CHML: variants seen among roughly 807,000 people sequenced by gnomAD.
CHML encodes the protein CHM like Rab escort protein, also known as rab proteins geranylgeranyltransferase component A 2.
In CHML, 20 loss-of-function variants were observed where a neutral mutation model predicts 30.4. The ratio of observed to expected loss-of-function variants is 0.66; its 90% CI spans 0.46 to 0.95. CHML has a LOEUF of 0.95. CHML is among the 40% of genes least tolerant of loss of function. CHML has a pLI of 0.00. For synonymous variants in CHML, 281 were observed against 275.0 expected (o/e 1.02, Z -0.22); for missense variants, 795 against 768.5 (o/e 1.03, Z -0.41).
In CHML at chr1:241,631,523, A is replaced by G. The variant is rs929310228; in HGVS notation, c.*2273T>C. Reference sequence around the variant, plus strand: ...ACTTTTACTATATTTTTAAAAGTCAATACAATCCATGACTTTGCTACTTTA... The same window carrying G: ...ACTTTTACTATATTTTTAAAAGTCAGTACAATCCATGACTTTGCTACTTTA... On this transcript the variant is annotated 3_prime_UTR_variant, in exon 2 of 2. Transcript: ENST00000366553. 3.3e-5 allele frequency: 5 copies of G among 152,134 alleles called. No individual in the cohort carries two copies. The highest frequency in any genetic ancestry group is 2.0e-4 in the Admixed American group (3 of 15,266). The allele number at this position is 152,134 out of a possible 1,614,324, so 9.4% of individuals were successfully genotyped here.
At position 241,635,769 on chromosome 1, in the gene CHML, T is replaced by G; in HGVS notation, c.-3A>C. ...TCTGTGGGAAGATTGTCCGCCATTT[T>G]AGGAAGTAACAGCGTCTGGTGACAA... On this transcript the variant is annotated 5_prime_UTR_variant, in exon 2 of 2. Transcript: ENST00000366553. 1 of 1,606,172 alleles carries G rather than the reference T, an allele frequency of 6.2e-7. No homozygotes were observed.
In CHML at chr1:241,635,925, T is replaced by C; in HGVS notation, c.-159A>G. The stretch of plus-strand genomic sequence containing the variant: ...GGTTACCCTTTTAAAATATTTTTTT[T>C]CTTATAAGTCAGTAGCATAAAAACA... On this transcript the variant is annotated 5_prime_UTR_variant, in exon 2 of 2. Coordinates refer to ENST00000366553, the MANE Select transcript of CHML (RefSeq NM_001381853.1). The C allele has an allele frequency of 1.5e-6, 1 of 662,804 alleles. No homozygotes were observed. Among genetic ancestry groups the C allele is most frequent in the Non-Finnish European group, 2.5e-6 (1 of 392,898 alleles). The allele number at this position is 662,804 out of a possible 1,614,324, so 41.1% of individuals were successfully genotyped here. A position where few individuals can be genotyped will look rare whatever the true frequency, so the allele number is the denominator to read the frequency against.
chr1:241,639,884 A>T lies in CHML; in HGVS notation c.-310T>A. On this transcript the variant is annotated splice_region_variant and 5_prime_UTR_variant, in exon 1 of 2. Coordinates refer to ENST00000366553, the MANE Select transcript of CHML (RefSeq NM_001381853.1). Reference sequence around the variant, plus strand: ...TGCCTTCTCCCAGTCCAACTCACCGAAGAGGCTGCCGCTAAACCCGTCCCA... The same window carrying T: ...TGCCTTCTCCCAGTCCAACTCACCGTAGAGGCTGCCGCTAAACCCGTCCCA... The T allele has an allele frequency of 6.4e-7, 1 of 1,572,336 alleles. No individual in the cohort carries two copies. The highest frequency in any genetic ancestry group is 2.4e-5 in the East Asian group (1 of 41,812).
chr1:241,636,352 T>C (rs1664897475), intron 1 of CHML, among the ~76,000 whole-genome samples: 1 of 152,258 alleles, frequency 6.6e-6, no homozygotes. Context: ...TCTCTAACTT[T>C]AGCTTTTAAG....
chr1:241,629,681 G>C lies in CHML; in HGVS notation c.*4115C>G, dbSNP rs926012740. ...TTCCTTTATACCACTATTGGTGTGA[G>C]ACTTGTAGTATTTTTCTTTTTATAC... On this transcript the variant is annotated 3_prime_UTR_variant, in exon 2 of 2. Coordinates refer to ENST00000366553, the MANE Select transcript of CHML (RefSeq NM_001381853.1). 6.6e-6 allele frequency: 1 copy of C among 152,032 alleles called. No individual in the cohort carries two copies. Among genetic ancestry groups the C allele is most frequent in the Non-Finnish European group, 1.5e-5 (1 of 67,946 alleles). The allele number at this position is 152,032 out of a possible 1,614,324, so 9.4% of individuals were successfully genotyped here.
At chr1:241,639,581 A>G (rs148923282) in intron 1 of CHML, among the ~76,000 whole-genome samples, 3,361 of 151,934 alleles carry the variant, frequency 0.022, 55 homozygotes, top group South Asian at 0.038. Flanking sequence ...GTAAAAACAA[A>G]TAAGAAAGGA....
Position 241,634,507 on chromosome 1 carries a change from T to C in CHML, c.1260A>G (p.Ala420=). Reference sequence around the variant, plus strand: ...TTCTTTGACCAAAGTGATCTATAATTGCTTTACATCGTCCAGATTCTTTGT... The same window carrying C: ...TTCTTTGACCAAAGTGATCTATAATCGCTTTACATCGTCCAGATTCTTTGT... ...VVDKESGRCK[A]IIDHFGQRIN... The change falls in exon 2 of 2, where the codon GCA becomes GCG. Residue 420 remains alanine (A), a synonymous_variant. Coordinates refer to ENST00000366553, the MANE Select transcript of CHML (RefSeq NM_001381853.1). 2 of 1,613,972 alleles carry C rather than the reference T, an allele frequency of 1.2e-6. No individual in the cohort carries two copies. The highest frequency in any genetic ancestry group is 1.6e-4 in the Middle Eastern group (1 of 6,062).
In CHML at chr1:241,632,103, T is replaced by A. The variant is rs1664657581; in HGVS notation, c.*1693A>T. On this transcript the variant is annotated 3_prime_UTR_variant, in exon 2 of 2. Transcript: ENST00000366553. ...TGGGAGGAACCTGGTGGGAGATAAC[T>A]GAATCATGGAGTTGTTTCCCCCATA... is the stretch of plus-strand genomic sequence containing the variant. 6.6e-6 allele frequency: 1 copy of A among 152,168 alleles called. No individual in the cohort carries two copies. The allele number at this position is 152,168 out of a possible 1,614,324, so 9.4% of individuals were successfully genotyped here.
In CHML at chr1:241,635,951, T is replaced by C. The variant is rs757450913; in HGVS notation, c.-185A>G. ...CTTATAAGTCAGTAGCATAAAAACA[T>C]GAGCAAGTACATCTAATCACATCTG... On this transcript the variant is annotated 5_prime_UTR_variant, in exon 2 of 2. It removes an upstream start codon present in the reference 5' UTR. Coordinates refer to ENST00000366553, the MANE Select transcript of CHML (RefSeq NM_001381853.1). 19 of 589,482 alleles carry C rather than the reference T, an allele frequency of 3.2e-5. No homozygotes were observed. Among genetic ancestry groups the C allele is most frequent in the Non-Finnish European group, 5.4e-5 (18 of 332,348 alleles). 36.5% of individuals were successfully genotyped at this position (589,482 alleles called of 1,614,324 possible).
intron 1 of CHML, 120 bp downstream of exon 1, chr1:241,639,762 G>A (rs1181956401): frequency 7.6e-6 from 8 of 1,046,298 alleles, no homozygotes; most frequent in Middle Eastern, 3.3e-4. Context: ...TAGGGCGGGG[G>A]GCGCGGGGCC....
chr1:241,639,869 C>T lies in CHML; in HGVS notation c.-308+13G>A, dbSNP rs777604266. Reference sequence around the variant, plus strand: ...TTGCAGAGGGGAGGCTGCCTTCTCCCAGTCCAACTCACCGAAGAGGCTGCC... The same window carrying T: ...TTGCAGAGGGGAGGCTGCCTTCTCCTAGTCCAACTCACCGAAGAGGCTGCC... On this transcript the variant is annotated intron_variant, in intron 1 of 1. Coordinates refer to ENST00000366553, the MANE Select transcript of CHML (RefSeq NM_001381853.1). The T allele has an allele frequency of 1.3e-6, 2 of 1,537,830 alleles. No homozygotes were observed. The highest frequency in any genetic ancestry group is 5.0e-5 in the East Asian group (2 of 40,158).
chr1:241,635,739 CA>C lies in CHML; in HGVS notation c.27del (p.Phe9LeufsTer5). On this transcript the variant is annotated frameshift_variant, in exon 2 of 2. Transcript: ENST00000366553. LOFTEE classifies it high-confidence loss of function. Reference protein sequence around the residue: MADNLPTEFDVVIIGTGLP... With the variant: MADNLPTEXDVVIIGTGLP... The stretch of plus-strand genomic sequence containing the variant: ...AAACCTGTCCCTATTATAACCACAT[CA>C]AACTCTGTGGGAAGATTGTCCGCCA... The C allele has an allele frequency of 6.2e-7, 1 of 1,612,118 alleles. No individual in the cohort carries two copies. The highest frequency in any genetic ancestry group is 1.1e-5 in the South Asian group (1 of 90,870).
rs1664652479 is a variant in CHML, at chr1:241,631,964, T to C, written c.*1832A>G. On this transcript the variant is annotated 3_prime_UTR_variant, in exon 2 of 2. Coordinates refer to ENST00000366553, the MANE Select transcript of CHML (RefSeq NM_001381853.1). ...CATGTTGGCTCTTCCACATACCAGATTCTGAGCAAATTACTAATAATTCTC... is the reference window on the plus strand; with the variant it reads ...CATGTTGGCTCTTCCACATACCAGACTCTGAGCAAATTACTAATAATTCTC... 2.0e-5 allele frequency: 3 copies of C among 152,146 alleles called. No homozygotes were observed. 9.4% of individuals were successfully genotyped at this position (152,146 alleles called of 1,614,324 possible). A position where few individuals can be genotyped will look rare whatever the true frequency, so the allele number is the denominator to read the frequency against.
chr1:241,633,558 T>C lies in CHML; in HGVS notation c.*238A>G. 2 of 515,384 alleles carry C rather than the reference T, an allele frequency of 3.9e-6. No individual in the cohort carries two copies. Among genetic ancestry groups the C allele is most frequent in the East Asian group, 7.1e-5 (2 of 27,988 alleles). The allele number at this position is 515,384 out of a possible 1,614,324, so 31.9% of individuals were successfully genotyped here. A position where few individuals can be genotyped will look rare whatever the true frequency, so the allele number is the denominator to read the frequency against. On this transcript the variant is annotated 3_prime_UTR_variant, in exon 2 of 2. Coordinates refer to ENST00000366553, the MANE Select transcript of CHML (RefSeq NM_001381853.1). ...AATACTAAAATAAAGCTAACTCTGTTTTAAGATTCTGGGTCATATAGCCCA... is the reference window on the plus strand; with the variant it reads ...AATACTAAAATAAAGCTAACTCTGTCTTAAGATTCTGGGTCATATAGCCCA...
In CHML at chr1:241,629,327, T is replaced by C. The variant is rs1448402255; in HGVS notation, c.*4469A>G. On this transcript the variant is annotated 3_prime_UTR_variant, in exon 2 of 2. Coordinates refer to ENST00000366553, the MANE Select transcript of CHML (RefSeq NM_001381853.1). ...CACAGTTCTCTTAAAAGGCTACTAA[T>C]ACACAATGCTGCTGCTATAAGGACA... The C allele has an allele frequency of 6.6e-6, 1 of 152,154 alleles. No homozygotes were observed. The highest frequency in any genetic ancestry group is 6.5e-5 in the Admixed American group (1 of 15,284). 9.4% of individuals were successfully genotyped at this position (152,154 alleles called of 1,614,324 possible).
At chr1:241,636,405 G>C (rs2148030712) in intron 1 of CHML, among the ~76,000 whole-genome samples, 1 of 152,314 alleles carries the variant, frequency 6.6e-6, no homozygotes, top group East Asian at 1.9e-4. Flanking sequence ...TGTGAGCTTA[G>C]ACTAAAAGGA....
Position 241,633,944 on chromosome 1 carries a change from G to A in CHML, c.1823C>T (p.Pro608Leu). 4 of 1,613,900 alleles carry A rather than the reference G, an allele frequency of 2.5e-6. No individual in the cohort carries two copies. The highest frequency in any genetic ancestry group is 3.4e-6 in the Non-Finnish European group (4 of 1,179,848). The change falls in exon 2 of 2, where the codon CCT becomes CTT. Residue 608 changes from proline to leucine, a missense_variant. Transcript: ENST00000366553. ...AATGTCTTCTGGATTTGGAGGTGGA[G>A]GGCAGAATTCTTCAGTTGGAAAGAT... ...QEIFPTEEFC[P>L]PPPNPEDIIF...
chr1:241,637,994 G>C (rs1308338641), intron 1 of CHML, among the ~76,000 whole-genome samples: 2 of 152,092 alleles, frequency 1.3e-5, no homozygotes, highest in Non-Finnish European at 2.9e-5. Flanking sequence ...CCTTAACCTG[G>C]ATCTAGAAGC....
rs139068296 is a variant in CHML, at chr1:241,633,024, T to G, written c.*772A>C. On this transcript the variant is annotated 3_prime_UTR_variant, in exon 2 of 2. Coordinates refer to ENST00000366553, the MANE Select transcript of CHML (RefSeq NM_001381853.1). ...GTGCCAGGGCAGGGCTCTGCAGAAA[T>G]TTTCTGAAGTATTAAATAAGAATAA... The G allele has an allele frequency of 1.3e-5, 2 of 152,238 alleles. No individual in the cohort carries two copies. The highest frequency in any genetic ancestry group is 3.9e-4 in the East Asian group (2 of 5,172). 9.4% of individuals were successfully genotyped at this position (152,238 alleles called of 1,614,324 possible).
Sources: gnomAD v4.1 joint callset for allele counts (sites outside exome capture counted in the v4.1 genomes callset) on GRCh38, gnomAD v4.1.1 for gene constraint, MANE v1.5 for transcripts, NCBI Gene and HGNC (gene_info 2026-07-23, HGNC 2026-07-21) for gene names.